Variants in HTT observed in about 807,000 individuals in gnomAD.
The protein encoded by HTT is huntington disease protein.
Under a neutral mutation model 362.3 loss-of-function variants are expected in HTT, and 104 were observed. That is an observed-to-expected ratio of 0.29 (90% confidence interval 0.24 to 0.34). The LOEUF (loss-of-function observed/expected upper bound fraction) is 0.34. HTT is among the 10% of genes least tolerant of loss of function. The pLI is 1.00. For missense variants in HTT, 3,301 were observed against 3,928.6 expected, an observed-to-expected ratio of 0.84 and a Z score of 4.27; for synonymous variants, 1,577 against 1,548.7, an observed-to-expected ratio of 1.02 and a Z score of -0.43.
chr4:3,116,400 A>C, intron 8 of HTT, 137 bp downstream of exon 8: 1 of 681,232 alleles, frequency 1.5e-6, no homozygotes, highest in East Asian at 2.8e-5. Flanking sequence ...TTCCAACCCT[A>C]GGTGCTGACC....
intron 45 of HTT, among the ~76,000 whole-genome samples, chr4:3,207,995 A>C (rs189912766): frequency 6.6e-6 from 1 of 152,170 alleles, no homozygotes; most frequent in Admixed American, 6.5e-5. Flanking sequence ...GAAGGAGAAT[A>C]TAATTATCAT....
At chr4:3,184,966 G>A (rs1718696188) in intron 37 of HTT, among the ~76,000 whole-genome samples, 1 of 152,110 alleles carries the variant, frequency 6.6e-6, no homozygotes, top group Admixed American at 6.6e-5. Flanking sequence ...TGTGCAGGAG[G>A]GCGACATCTG....
intron 66 of HTT, 105 bp from the exon 67 acceptor site, chr4:3,239,741 C>T (rs1721719156): frequency 2.2e-6 from 2 of 920,558 alleles, no homozygotes; most frequent in Non-Finnish European, 3.4e-6. Flanking sequence ...TCTCCAGGCT[C>T]CCTGGACCCC....
At chr4:3,115,995 C>A in intron 7 of HTT, 90 bp from the exon 8 acceptor site, 2 of 1,187,628 alleles carry the variant, frequency 1.7e-6, no homozygotes, top group Non-Finnish European at 2.5e-6. Flanking sequence ...CCATCTTGAT[C>A]TCTCAGGATC....
chr4:3,228,504 G>C lies in HTT; in HGVS notation c.7849-111G>C, dbSNP rs1259524029. 4.7e-6 allele frequency: 6 copies of C among 1,277,044 alleles called. No individual in the cohort carries two copies. The East Asian group carries it at 9.9e-5, about 21-fold the overall frequency. 79.1% of individuals were successfully genotyped at this position (1,277,044 alleles called of 1,614,324 possible). ...GGGGTGTCTGAACGACCCTTGCTAA[G>C]GGGCAGACTGTTAGACGGTAGGCAT... On this transcript the variant is annotated intron_variant, in intron 57 of 66. Transcript: ENST00000355072. The surrounding 1 kb of genome is among the most constrained non-coding windows in gnomAD (Gnocchi z 4.3).
chr4:3,217,748 A>G lies in HTT; in HGVS notation c.7055-17A>G. On this transcript the variant is annotated splice_polypyrimidine_tract_variant and intron_variant, in intron 51 of 66. Coordinates refer to ENST00000355072, the MANE Select transcript of HTT (RefSeq NM_001388492.1). ...TGTGTTTTTTAAAAAGTCCTCTCTT[A>G]ACCGTTGCTTGTTTAGATCCTAAGT... 6.2e-7 allele frequency: 1 copy of G among 1,604,034 alleles called. No homozygotes were observed.
At chr4:3,092,060 C>A (rs1363985122) in intron 2 of HTT, among the ~76,000 whole-genome samples, 2 of 152,100 alleles carry the variant, frequency 1.3e-5, no homozygotes, top group African/African-American at 4.8e-5. Context: ...CTTGCACTGT[C>A]CGCCTGGGCC....
At chr4:3,208,628 C>T in intron 45 of HTT, 145 bp from the exon 46 acceptor site, 1 of 667,784 alleles carries the variant, frequency 1.5e-6, no homozygotes, top group South Asian at 2.5e-5. Flanking sequence ...AAGGTTTAAA[C>T]AAGTGTATTT....
At chr4:3,145,593 C>T (rs1716560544) in intron 24 of HTT, among the ~76,000 whole-genome samples, 1 of 152,120 alleles carries the variant, frequency 6.6e-6, no homozygotes, top group African/African-American at 2.4e-5. Flanking sequence ...ACCTAGCATA[C>T]GAAATGGTGA....
At chr4:3,079,968 T>C (rs527621117) in intron 1 of HTT, among the ~76,000 whole-genome samples, 1 of 152,344 alleles carries the variant, frequency 6.6e-6, no homozygotes, top group South Asian at 2.1e-4. Flanking sequence ...CGTTATCAGG[T>C]TTGTATTCAG....
At chr4:3,191,179 CTTTT>C (rs111880819) in intron 40 of HTT, among the ~76,000 whole-genome samples, 9 of 120,408 alleles carry the variant, frequency 7.5e-5, no homozygotes, top group African/African-American at 2.4e-4. Context: ...TTCTTTCTTT[CTTTT>C]TTTTTTTGAG....
Position 3,235,372 on chromosome 4 carries a change from C to T in HTT, c.8545C>T (p.Pro2849Ser), listed in dbSNP as rs200296674. 48 of 1,612,702 alleles carry T rather than the reference C, an allele frequency of 3.0e-5. No homozygotes were observed. Among genetic ancestry groups the T allele is most frequent in the African/African-American group, 4.0e-5 (3 of 74,900 alleles). ...TGAGAACTATCCTCTGGACGTAGGG[C>T]CGGAATTTTCAGCATCAATAATACA... is the stretch of plus-strand genomic sequence containing the variant. ...LIENYPLDVG[P>S]EFSASIIQMC... The change falls in exon 62 of 67, where the codon CCG becomes TCG. Residue 2849 changes from proline to serine, a missense_variant. Coordinates refer to ENST00000355072, the MANE Select transcript of HTT (RefSeq NM_001388492.1).
chr4:3,187,760 C>T lies in HTT; in HGVS notation c.5099C>T (p.Ser1700Phe), dbSNP rs774757519. The change falls in exon 39 of 67, where the codon TCC (serine) becomes TTC (phenylalanine). Residue 1700 changes from serine (S) to phenylalanine (F), a missense_variant. Physicochemically the swap from Ser to Phe is radical, Grantham distance 155. Coordinates refer to ENST00000355072, the MANE Select transcript of HTT (RefSeq NM_001388492.1). ...GTTCTTTCTCGTATTCAGGAGCTCT[C>T]CTTCTCTCCGTATTTAATCTCCTGT... ...DIVLSRIQEL[S>F]FSPYLISCTV... 5 of 1,613,542 alleles carry T rather than the reference C, an allele frequency of 3.1e-6. No homozygotes were observed. In the South Asian group the frequency reaches 3.3e-5, roughly 11 times the overall value.
intron 26 of HTT, among the ~76,000 whole-genome samples, chr4:3,150,544 A>G (rs1488890085): frequency 6.6e-6 from 1 of 152,116 alleles, no homozygotes; most frequent in African/African-American, 2.4e-5. Flanking sequence ...TCCTCCCCAC[A>G]TCTGCCCCTG....
intron 3 of HTT, among the ~76,000 whole-genome samples, chr4:3,100,771 C>G (rs971655926): frequency 6.6e-6 from 1 of 152,216 alleles, no homozygotes; most frequent in African/African-American, 2.4e-5. Context: ...CTCAGTCACC[C>G]AGGCTGGAGT....
intron 35 of HTT, among the ~76,000 whole-genome samples, chr4:3,179,338 C>A (rs1343925649): frequency 6.6e-6 from 1 of 152,182 alleles, no homozygotes; most frequent in Non-Finnish European, 1.5e-5. Flanking sequence ...GTTTCCTGGA[C>A]TTGGAGGGTC....
In HTT at chr4:3,157,336, TTGTC is replaced by T. The variant is rs376190460; in HGVS notation, c.3753+139_3753+142del. 4.0e-4 allele frequency: 317 copies of T among 801,966 alleles called. 2 individuals are homozygous for T. In the African/African-American group the frequency reaches 4.9e-3, roughly 13 times the overall value. The allele number at this position is 801,966 out of a possible 1,614,324, so 49.7% of individuals were successfully genotyped here. The stretch of plus-strand genomic sequence containing the variant: ...TTACATTTAGTTTTTTCAAGTTTGT[TTGTC>T]TTTCAGCTTTGTTTATGATAGCTTC... On this transcript the variant is annotated intron_variant, in intron 28 of 66. Transcript: ENST00000355072.
At chr4:3,125,912 G>A (rs1715499777) in intron 11 of HTT, among the ~76,000 whole-genome samples, 1 of 152,228 alleles carries the variant, frequency 6.6e-6, no homozygotes, top group Non-Finnish European at 1.5e-5. Flanking sequence ...GGGATGGCAG[G>A]TCGAAACATC....
chr4:3,115,970 A>G (rs1049560184), intron 7 of HTT, 115 bp from the exon 8 acceptor site: 2 of 959,398 alleles, frequency 2.1e-6, no homozygotes, highest in Admixed American at 1.9e-5. Flanking sequence ...GTACTCGTTC[A>G]TGATCATGTT....
Sources: gnomAD v4.1 joint callset for allele counts (sites outside exome capture counted in the v4.1 genomes callset) on GRCh38, gnomAD v4.1.1 for gene constraint, Gnocchi (gnomAD v3.1) non-coding constraint, MANE v1.5 for transcripts, NCBI Gene and HGNC (gene_info 2026-07-23, HGNC 2026-07-21) for gene names.